The following CROCC variants were observed in gnomAD, a reference collection of about 807,000 sequenced individuals.
CROCC encodes the protein ciliary rootlet coiled-coil, rootletin.
CROCC carries 180 observed loss-of-function variants against 245.2 expected under a neutral mutation model. The observed-to-expected ratio is 0.73, with a 90% confidence interval of 0.65 to 0.83. The LOEUF (loss-of-function observed/expected upper bound fraction) is 0.83. CROCC is among the 40% of genes least tolerant of loss of function. CROCC has a pLI of 0.00. For synonymous variants in CROCC, 1,205 were observed against 1,241.6 expected, an observed-to-expected ratio of 0.97 and a Z score of 0.62; for missense variants, 2,688 against 2,779.4, an observed-to-expected ratio of 0.97 and a Z score of 0.74.
Position 16,936,793 on chromosome 1 carries a change from G to C in CROCC, c.1113G>C (p.Leu371=), listed in dbSNP as rs142584992. 544 of 1,611,880 alleles carry C rather than the reference G, an allele frequency of 3.4e-4. No individual in the cohort carries two copies. The highest frequency in any genetic ancestry group is 5.8e-4 in the Middle Eastern group (3 of 5,174). The change falls in exon 9 of 37, where the codon CTG becomes CTC. Residue 371 remains leucine, a synonymous_variant. Transcript: ENST00000375541. ...TGCAGGCCCAGCTGGAGGAGCAGCT[G>C]CGGGACAAGGTGCTCCGCGAGAAGG... ...ALLQAQLEEQ[L]RDKVLREKDL...
At position 16,954,190 on chromosome 1, in the gene CROCC, C is replaced by T. The variant is rs749933692; in HGVS notation, c.3187-33C>T. 4.4e-6 allele frequency: 7 copies of T among 1,588,298 alleles called. No individual in the cohort carries two copies. In the South Asian group the frequency reaches 4.5e-5, roughly 10 times the overall value. ...GAGCATGCCCCCAGGACCAGCCCAT[C>T]CCCCAAGCCCTTTGTCCCCTGCCTC... On this transcript the variant is annotated intron_variant, in intron 21 of 36. Transcript: ENST00000375541. This position sits in a 1 kb window ranked among gnomAD's most constrained non-coding sequence, Gnocchi z 4.4.
chr1:16,965,618 G>C, intron 27 of CROCC, 105 bp from the exon 28 acceptor site: 1 of 851,632 alleles, frequency 1.2e-6, no homozygotes, highest in Non-Finnish European at 1.9e-6. Context: ...AGAGAAGTTG[G>C]GCTTGATTCT....
intron 8 of CROCC, 75 bp from the exon 9 acceptor site, chr1:16,936,562 C>T: frequency 2.1e-6 from 3 of 1,413,862 alleles, no homozygotes; most frequent in Non-Finnish European, 2.9e-6. Flanking sequence ...AGCCACCACG[C>T]CCTGCCCAAG....
chr1:16,916,530 AG>A (rs1203302717), intron 1 of CROCC, among the ~76,000 whole-genome samples: 1 of 152,284 alleles, frequency 6.6e-6, no homozygotes, highest in African/African-American at 2.4e-5. Flanking sequence ...TATTTGAGAC[AG>A]GGTCTTGCTC....
intron 3 of CROCC, among the ~76,000 whole-genome samples, chr1:16,928,007 T>A (rs2075574997): frequency 6.6e-6 from 1 of 152,268 alleles, no homozygotes; most frequent in Non-Finnish European, 1.5e-5. Context: ...TCTCAGCATA[T>A]GGGGTCAATG....
At chr1:16,949,767 GT>G (rs1364585323) in intron 19 of CROCC, among the ~76,000 whole-genome samples, 2 of 152,342 alleles carry the variant, frequency 1.3e-5, no homozygotes, top group Non-Finnish European at 2.9e-5. Context: ...GAATAGGGTT[GT>G]TTTTTGTTTG....
At chr1:16,943,452 G>T (rs1225372520) in intron 13 of CROCC, among the ~76,000 whole-genome samples, 1 of 152,224 alleles carries the variant, frequency 6.6e-6, no homozygotes, top group Non-Finnish European at 1.5e-5. Flanking sequence ...GCAGGAGAAT[G>T]GCGTGAACCC....
In CROCC at chr1:16,958,770, G is replaced by A. The variant is rs200391102; in HGVS notation, c.4032+20G>A. The A allele has an allele frequency of 3.2e-6, 5 of 1,546,306 alleles. No individual in the cohort carries two copies. In the Admixed American group the frequency reaches 5.9e-5, roughly 18 times the overall value. ...CAGGAGGTAACTGAGCAGGCGGGCA[G>A]GCTGGTGCATCTTTCCTTCCCCCAG... is the stretch of plus-strand genomic sequence containing the variant. On this transcript the variant is annotated intron_variant, in intron 26 of 36. Transcript: ENST00000375541.
At chr1:16,940,603 T>A (rs1423729037) in intron 13 of CROCC, among the ~76,000 whole-genome samples, 1 of 152,270 alleles carries the variant, frequency 6.6e-6, no homozygotes, top group Non-Finnish European at 1.5e-5. Flanking sequence ...TTGGCCAGGC[T>A]GATCTTGAAC....
At position 16,948,645 on chromosome 1, in the gene CROCC, G is replaced by A. The variant is rs1244798699; in HGVS notation, c.2708+121G>A. ...ACTAAGGAGTCTGGCTTGCCGACTC[G>A]TCCTAGCTGTGGCTCAGGCTTCCCC... On this transcript the variant is annotated intron_variant, in intron 18 of 36. Transcript: ENST00000375541. 5.3e-5 allele frequency: 79 copies of A among 1,501,362 alleles called. No homozygotes were observed. In the Admixed American group the frequency reaches 7.2e-4, roughly 14 times the overall value. The allele number at this position is 1,501,362 out of a possible 1,614,324, so 93.0% of individuals were successfully genotyped here.
In CROCC at chr1:16,961,054, C is replaced by T; in HGVS notation, c.4329C>T (p.Gly1443=). 1.5e-6 allele frequency: 2 copies of T among 1,334,262 alleles called. No individual in the cohort carries two copies. The highest frequency in any genetic ancestry group is 1.9e-5 in the South Asian group (1 of 52,194). The allele number at this position is 1,334,262 out of a possible 1,614,324, so 82.7% of individuals were successfully genotyped here. The change falls in exon 27 of 37, where the codon GGC becomes GGT. Residue 1443 remains glycine, a synonymous_variant. Transcript: ENST00000375541. The part of the protein sequence containing the change: ...LGGLRSALRR[G]LGLGRAPSPA... Reference sequence around the variant, plus strand: ...GCCTGCGCTCGGCTCTGCGCCGGGGCCTCGGCCTCGGTCGCGCGCCCAGCC... The same window carrying T: ...GCCTGCGCTCGGCTCTGCGCCGGGGTCTCGGCCTCGGTCGCGCGCCCAGCC...
intron 8 of CROCC, among the ~76,000 whole-genome samples, 199 bp downstream of exon 8, chr1:16,931,596 C>T (rs1157009196): frequency 6.6e-6 from 1 of 152,278 alleles, no homozygotes; most frequent in Non-Finnish European, 1.5e-5. Context: ...GGGCTAGGCT[C>T]ATTGTATATT....
At chr1:16,944,444 G>A (rs548320875) in intron 14 of CROCC, among the ~76,000 whole-genome samples, 162 bp downstream of exon 14, 1 of 152,384 alleles carries the variant, frequency 6.6e-6, no homozygotes, top group South Asian at 2.1e-4. Context: ...CAGGAAACTG[G>A]GGCTCAGGGA....
chr1:16,922,145 G>A, intron 1 of CROCC, 67 bp downstream of exon 1: 1 of 1,407,450 alleles, frequency 7.1e-7, no homozygotes, highest in Non-Finnish European at 9.6e-7. Context: ...GGAGTGGTGA[G>A]AGGTGTGTGC....
chr1:16,959,992 C>T (rs1167302725), intron 26 of CROCC, among the ~76,000 whole-genome samples: 1 of 151,732 alleles, frequency 6.6e-6, no homozygotes, highest in Non-Finnish European at 1.5e-5. Flanking sequence ...AACAGCCGGG[C>T]GCAGTGGCTC....
At chr1:16,958,968 C>A (rs1037832400) in intron 26 of CROCC, among the ~76,000 whole-genome samples, 6 of 152,178 alleles carry the variant, frequency 3.9e-5, no homozygotes, top group Non-Finnish European at 5.9e-5. Context: ...CCTGTAGATA[C>A]AACCTTGTTT....
chr1:16,970,605 C>A, intron 34 of CROCC, 31 bp from the exon 35 acceptor site: 1 of 1,509,752 alleles, frequency 6.6e-7, no homozygotes, highest in Non-Finnish European at 8.9e-7. Flanking sequence ...CTCCTCCTGG[C>A]ACCCTGATCT....
rs761005841 is a variant in CROCC, at chr1:16,938,365, C to G, written c.1291-35C>G. The stretch of plus-strand genomic sequence containing the variant: ...GGGGAGGTTTCAGATAAGACAGAAC[C>G]CCAACCACCCTTTGTCTCCCTAACC... On this transcript the variant is annotated intron_variant, in intron 10 of 36. Coordinates refer to ENST00000375541, the MANE Select transcript of CROCC (RefSeq NM_014675.5). 5.2e-6 allele frequency: 8 copies of G among 1,535,168 alleles called. No homozygotes were observed. In the Admixed American group the frequency reaches 1.4e-4, roughly 27 times the overall value.
intron 17 of CROCC, among the ~76,000 whole-genome samples, chr1:16,948,118 C>G (rs551606243): frequency 6.6e-6 from 1 of 152,286 alleles, no homozygotes; most frequent in African/African-American, 2.4e-5. Flanking sequence ...CACGCACCAC[C>G]GTACCTGGCT....
Sources: gnomAD v4.1 joint callset for allele counts (sites outside exome capture counted in the v4.1 genomes callset) on GRCh38, gnomAD v4.1.1 for gene constraint, Gnocchi (gnomAD v3.1) non-coding constraint, MANE v1.5 for transcripts, NCBI Gene and HGNC (gene_info 2026-07-23, HGNC 2026-07-21) for gene names.